The following ANTXR1 variants were observed in gnomAD, a reference collection of about 807,000 sequenced individuals.
ANTXR1 encodes the protein ANTXR cell adhesion molecule 1, also known as anthrax toxin receptor 1.
ANTXR1 carries 19 observed loss-of-function variants against 78.1 expected under a neutral mutation model. That is an observed-to-expected ratio of 0.24 (90% CI 0.17 to 0.36). The LOEUF is 0.36. Ranked by LOEUF, ANTXR1 falls within the 10% of genes least tolerant of loss-of-function variation. The pLI is 1.00. For synonymous variants in ANTXR1, 273 were observed against 260.5 expected (o/e 1.05, Z -0.46); for missense variants, 518 against 718.6 (o/e 0.72, Z 3.19).
chr2:69,230,595 T>A (rs147156955), intron 17 of ANTXR1, among the ~76,000 whole-genome samples: 2 of 152,316 alleles, frequency 1.3e-5, no homozygotes, highest in East Asian at 3.9e-4. Flanking sequence ...TTTGAGTATA[T>A]GTATGTAGCC....
chr2:69,124,559 T>C lies in ANTXR1; in HGVS notation c.873-6T>C. 3 of 1,614,010 alleles carry C rather than the reference T, an allele frequency of 1.9e-6. No individual in the cohort carries two copies. Among genetic ancestry groups the C allele is most frequent in the African/African-American group, 1.3e-5 (1 of 75,028 alleles). ...TGAGAGTCTGCTTCCCTTGTTGTCA[T>C]TGCAGGAAAGCTGCACTCCAGGTCA... On this transcript the variant is annotated splice_polypyrimidine_tract_variant and splice_region_variant and intron_variant, in intron 11 of 17. Transcript: ENST00000303714.
chr2:69,131,895 C>T (rs1672759188), intron 12 of ANTXR1, among the ~76,000 whole-genome samples: 1 of 152,090 alleles, frequency 6.6e-6, no homozygotes, highest in Admixed American at 6.5e-5. Context: ...AAACTATAAC[C>T]AGCGTTCCCA....
chr2:69,095,349 C>T (rs182463916), intron 9 of ANTXR1, among the ~76,000 whole-genome samples: 12 of 152,252 alleles, frequency 7.9e-5, no homozygotes, highest in Admixed American at 7.2e-4. Flanking sequence ...CCACCCACAC[C>T]CCTATGAAAC....
chr2:69,019,708 T>A (rs905110283), intron 1 of ANTXR1, among the ~76,000 whole-genome samples: 10 of 152,178 alleles, frequency 6.6e-5, no homozygotes, highest in African/African-American at 2.4e-4. Context: ...CATTAGTTAT[T>A]TTTCCTGATC....
At chr2:69,182,076 G>T in intron 15 of ANTXR1, 195 bp downstream of exon 15, 1 of 629,144 alleles carries the variant, frequency 1.6e-6, no homozygotes, top group East Asian at 2.9e-5. Flanking sequence ...TGGGGATATG[G>T]ATTGTAAGGC....
intron 12 of ANTXR1, among the ~76,000 whole-genome samples, chr2:69,149,890 G>A (rs926119736): frequency 6.6e-5 from 10 of 152,156 alleles, no homozygotes; most frequent in Admixed American, 1.3e-4. Flanking sequence ...TGAGCCCATC[G>A]CTCTCTGCCA....
intron 17 of ANTXR1, among the ~76,000 whole-genome samples, chr2:69,194,019 G>A (rs1392974864): frequency 1.3e-5 from 2 of 152,224 alleles, no homozygotes; most frequent in Non-Finnish European, 2.9e-5. Flanking sequence ...GAAAGATAGA[G>A]CCAGGGGAGA....
At chr2:69,126,503 G>A (rs1672545455) in intron 12 of ANTXR1, among the ~76,000 whole-genome samples, 2 of 152,124 alleles carry the variant, frequency 1.3e-5, no homozygotes, top group South Asian at 4.2e-4. Context: ...TGCAGGAAAT[G>A]ATTAAAATAC....
At chr2:69,092,492 T>A (rs1421999317) in intron 9 of ANTXR1, among the ~76,000 whole-genome samples, 1 of 152,232 alleles carries the variant, frequency 6.6e-6, no homozygotes, top group East Asian at 1.9e-4. Context: ...CATACCTACA[T>A]AAAGTTGTTA....
chr2:69,118,379 C>T (rs534706460), intron 10 of ANTXR1, among the ~76,000 whole-genome samples: 2 of 152,118 alleles, frequency 1.3e-5, no homozygotes, highest in Admixed American at 1.3e-4. Flanking sequence ...TGCAGTGAGC[C>T]GTGATTGCAC....
intron 1 of ANTXR1, among the ~76,000 whole-genome samples, chr2:69,032,382 C>T (rs537482544): frequency 1.5e-4 from 23 of 151,964 alleles, no homozygotes; most frequent in Middle Eastern, 6.8e-3. Context: ...CTCTACCCAC[C>T]CCCCCAAAAT....
At chr2:69,158,760 A>G (rs1673597220) in intron 13 of ANTXR1, among the ~76,000 whole-genome samples, 1 of 152,206 alleles carries the variant, frequency 6.6e-6, no homozygotes. Flanking sequence ...CTGTGAGCAC[A>G]TTTAAGGTTG....
intron 3 of ANTXR1, among the ~76,000 whole-genome samples, chr2:69,066,405 C>A (rs1428584110): frequency 1.3e-5 from 2 of 152,136 alleles, no homozygotes; most frequent in Admixed American, 1.3e-4. Context: ...AAGCGATTCT[C>A]CTGCCTCATC....
chr2:69,204,171 G>A (rs555146092), intron 17 of ANTXR1, among the ~76,000 whole-genome samples: 230 of 152,290 alleles, frequency 1.5e-3, no homozygotes, highest in African/African-American at 5.3e-3. Flanking sequence ...CAGCATCTCC[G>A]TGATGGGCCT....
At chr2:69,039,968 G>A in intron 1 of ANTXR1, 76 bp from the exon 2 acceptor site, 1 of 1,230,102 alleles carries the variant, frequency 8.1e-7, no homozygotes, top group East Asian at 2.4e-5. Flanking sequence ...TAAAATAACA[G>A]AATGTGAAGA....
At chr2:69,053,431 C>T (rs950204833) in intron 3 of ANTXR1, among the ~76,000 whole-genome samples, 1 of 152,134 alleles carries the variant, frequency 6.6e-6, no homozygotes, top group East Asian at 1.9e-4. Context: ...ACTTCCCCGC[C>T]ATCCCTCATG....
rs1298020304 is a variant in ANTXR1, at chr2:69,128,775, GT to G, written c.951+4137del. Among the ~76,000 whole-genome samples the G allele has an allele frequency of 7.9e-5, 12 of 152,320 alleles. No homozygotes were observed. In the East Asian group the frequency reaches 2.1e-3, roughly 27 times the overall value. On this transcript the variant is annotated intron_variant, in intron 12 of 17. Coordinates refer to ENST00000303714, the MANE Select transcript of ANTXR1 (RefSeq NM_032208.3). The stretch of plus-strand genomic sequence containing the variant: ...TTGGGAAGCTGGTTTGGAGGACAAG[GT>G]TTTTCAATCAAAAGTGATCCCCTGG...
chr2:69,045,601 CA>C (rs112289982), intron 3 of ANTXR1, among the ~76,000 whole-genome samples: 4 of 152,056 alleles, frequency 2.6e-5, no homozygotes, highest in Non-Finnish European at 4.4e-5. Flanking sequence ...AGGGCCAGTA[CA>C]GGGGGGGCAG....
At position 69,013,298 on chromosome 2, in the gene ANTXR1, G is replaced by A; in HGVS notation, c.-202G>A. 1 of 726,068 alleles carries A rather than the reference G, an allele frequency of 1.4e-6. No individual in the cohort carries two copies. The highest frequency in any genetic ancestry group is 2.3e-6 in the Non-Finnish European group (1 of 440,102). 45.0% of individuals were successfully genotyped at this position (726,068 alleles called of 1,614,324 possible). ...GACAGGATTGGGATCCTTGAAACCC[G>A]AAACCCAGAAACAGCATCGGAGCGG... On this transcript the variant is annotated 5_prime_UTR_variant, in exon 1 of 18. Coordinates refer to ENST00000303714, the MANE Select transcript of ANTXR1 (RefSeq NM_032208.3). The surrounding 1 kb of genome is among the most constrained non-coding windows in gnomAD (Gnocchi z 5.0).
Sources: gnomAD v4.1 joint callset for allele counts (sites outside exome capture counted in the v4.1 genomes callset) on GRCh38, gnomAD v4.1.1 for gene constraint, Gnocchi (gnomAD v3.1) non-coding constraint, MANE v1.5 for transcripts, NCBI Gene and HGNC (gene_info 2026-07-23, HGNC 2026-07-21) for gene names.